The following SZT2 variants were observed in gnomAD, a reference collection of about 807,000 sequenced individuals.
The protein encoded by SZT2 is KICSTOR complex protein SZT2.
A neutral mutation model predicts 404.2 loss-of-function variants in SZT2; 216 were observed. The observed-to-expected ratio is 0.53, with a 90% CI of 0.48 to 0.60. SZT2 has a LOEUF of 0.60. Ranked by LOEUF, SZT2 falls within the 20% of genes least tolerant of loss-of-function variation. SZT2 has a pLI of 0.00. For missense variants in SZT2, 3,857 were observed against 4,459.2 expected, an observed-to-expected ratio of 0.86 and a Z score of 3.85; for synonymous variants, 1,693 against 1,749.9, an observed-to-expected ratio of 0.97 and a Z score of 0.81.
At position 43,452,250 on chromosome 1, in the gene SZT2, G is replaced by A. The variant is rs777397095; in HGVS notation, c.*1770G>A. On this transcript the variant is annotated 3_prime_UTR_variant, in exon 72 of 72. Coordinates refer to ENST00000634258, the MANE Select transcript of SZT2 (RefSeq NM_001365999.1). ...CATGCCTCAGGTTCTCCAGAAAAAC[G>A]GCCTCCATCTCAGCCTTGACTGCTA... 6.2e-6 allele frequency: 10 copies of A among 1,613,862 alleles called. No individual in the cohort carries two copies. Among genetic ancestry groups the A allele is most frequent in the East Asian group, 4.5e-5 (2 of 44,882 alleles).
chr1:43,448,905 T>A lies in SZT2; in HGVS notation c.10086+177T>A, dbSNP rs1656035966. On this transcript the variant is annotated intron_variant, in intron 70 of 71. Transcript: ENST00000634258. This position sits in a 1 kb window ranked among gnomAD's most constrained non-coding sequence, Gnocchi z 4.2. Reference sequence around the variant, plus strand: ...CCGGGCATCGAGCTACAGCATGTGATTCTCTGAGCAGCTCTGCCCTCAAAG... The same window carrying A: ...CCGGGCATCGAGCTACAGCATGTGAATCTCTGAGCAGCTCTGCCCTCAAAG... 1.5e-6 allele frequency: 1 copy of A among 645,972 alleles called. No individual in the cohort carries two copies. The highest frequency in any genetic ancestry group is 2.7e-6 in the Non-Finnish European group (1 of 363,752). 40.0% of individuals were successfully genotyped at this position (645,972 alleles called of 1,614,324 possible).
intron 42 of SZT2, chr1:43,436,598 A>G (rs1654479641): frequency 6.5e-6 from 1 of 153,294 alleles, no homozygotes; most frequent in Admixed American, 6.5e-5. Flanking sequence ...TCTCTGAGAA[A>G]ACTGCCACTT....
intron 4 of SZT2, among the ~76,000 whole-genome samples, chr1:43,411,677 T>A (rs1651061528): frequency 6.6e-6 from 1 of 150,614 alleles, no homozygotes; most frequent in Non-Finnish European, 1.5e-5. Flanking sequence ...CCAAGTGAAA[T>A]GACTTTGGCT....
Position 43,423,081 on chromosome 1 carries a change from A to T in SZT2, c.2038-18A>T. ...TAGGAGATGGGAGTAAGAGGATGTG[A>T]CCACATTTTCCCCTCAGATTGTGTC... is the stretch of plus-strand genomic sequence containing the variant. On this transcript the variant is annotated intron_variant, in intron 14 of 71. Coordinates refer to ENST00000634258, the MANE Select transcript of SZT2 (RefSeq NM_001365999.1). 1.3e-6 allele frequency: 2 copies of T among 1,570,400 alleles called. No individual in the cohort carries two copies. Among genetic ancestry groups the T allele is most frequent in the Non-Finnish European group, 1.7e-6 (2 of 1,165,964 alleles).
At chr1:43,413,387 A>AAAAAC (rs1047687708) in intron 4 of SZT2, among the ~76,000 whole-genome samples, 8 of 152,194 alleles carry the variant, frequency 5.3e-5, no homozygotes, top group East Asian at 3.8e-4. Context: ...ATCTCAAACA[A>AAAAAC]AAAACAAAAC....
Position 43,420,711 on chromosome 1 carries a change from A to T in SZT2, c.1262-38A>T. 6.3e-7 allele frequency: 1 copy of T among 1,582,396 alleles called. No homozygotes were observed. The highest frequency in any genetic ancestry group is 8.6e-7 in the Non-Finnish European group (1 of 1,166,180). On this transcript the variant is annotated intron_variant, in intron 9 of 71. Coordinates refer to ENST00000634258, the MANE Select transcript of SZT2 (RefSeq NM_001365999.1). This position sits in a 1 kb window ranked among gnomAD's most constrained non-coding sequence, Gnocchi z 5.1. ...AACTCGATCCCAGGCCTAGAGTCCT[A>T]TGCCTTCTCCTAACTGGCCCTTCCG...
Position 43,443,646 on chromosome 1 carries a change from G to A in SZT2, c.8675G>A (p.Ser2892Asn), listed in dbSNP as rs1655337711. Residue 2892 changes from serine (S) to asparagine (N), a missense_variant, in exon 62 of 72, where the codon AGC becomes AAC. Coordinates refer to ENST00000634258, the MANE Select transcript of SZT2 (RefSeq NM_001365999.1). ...SGSGSREAPTSCESLDVSPPG... is the reference protein window; with the variant it reads ...SGSGSREAPTNCESLDVSPPG... The stretch of plus-strand genomic sequence containing the variant: ...TCTGGGAGCCGAGAGGCCCCCACAA[G>A]CTGTGAATCCTTGGATGTGTCGCCC... The A allele has an allele frequency of 2.5e-6, 4 of 1,614,090 alleles. No homozygotes were observed. Among genetic ancestry groups the A allele is most frequent in the African/African-American group, 2.7e-5 (2 of 74,952 alleles).
Position 43,439,802 on chromosome 1 carries a change from A to T in SZT2, c.7042+33A>T. The T allele has an allele frequency of 6.4e-7, 1 of 1,565,838 alleles. No individual in the cohort carries two copies. The highest frequency in any genetic ancestry group is 1.2e-5 in the South Asian group (1 of 82,716). On this transcript the variant is annotated intron_variant, in intron 50 of 71. Transcript: ENST00000634258. The surrounding 1 kb of genome is among the most constrained non-coding windows in gnomAD (Gnocchi z 4.2). ...AGCTTGGTCAGAGGATGAGGTGTTC[A>T]GTTATTGCTGTGGGAGGTAAGGGTG...
chr1:43,452,916 G>A lies in SZT2; in HGVS notation c.*2436G>A, dbSNP rs374607343. 158 of 1,605,126 alleles carry A rather than the reference G, an allele frequency of 9.8e-5. 5 individuals are homozygous for A. The East Asian group carries it at 1.3e-3, about 13-fold the overall frequency. On this transcript the variant is annotated 3_prime_UTR_variant, in exon 72 of 72. Coordinates refer to ENST00000634258, the MANE Select transcript of SZT2 (RefSeq NM_001365999.1). Reference sequence around the variant, plus strand: ...CAGGCTACATACATGTCCAGCCTCAGGAACGCTGCCAAATACACCAGGCCT... The same window carrying A: ...CAGGCTACATACATGTCCAGCCTCAAGAACGCTGCCAAATACACCAGGCCT...
chr1:43,406,130 C>T (rs889705397), intron 4 of SZT2, among the ~76,000 whole-genome samples: 3 of 152,130 alleles, frequency 2.0e-5, no homozygotes, highest in Non-Finnish European at 4.4e-5. Context: ...CTCTGTTGCC[C>T]GGGCTAGAGT....
At chr1:43,407,382 G>A (rs1650444450) in intron 4 of SZT2, among the ~76,000 whole-genome samples, 1 of 152,078 alleles carries the variant, frequency 6.6e-6, no homozygotes, top group Non-Finnish European at 1.5e-5. Context: ...TGGGCGTGAT[G>A]GTGCATATCT....
rs764645723 is a variant in SZT2, at chr1:43,426,819, G to A, written c.3309+10G>A. On this transcript the variant is annotated intron_variant, in intron 23 of 71. Coordinates refer to ENST00000634258, the MANE Select transcript of SZT2 (RefSeq NM_001365999.1). This position sits in a 1 kb window ranked among gnomAD's most constrained non-coding sequence, Gnocchi z 4.9. ...CGCTTTTACTTCCCTGGTCAGCACC[G>A]ATTCTTCTCCCTGAGCCCTTGTCAC... The A allele has an allele frequency of 5.6e-6, 9 of 1,612,128 alleles. No homozygotes were observed. The highest frequency in any genetic ancestry group is 2.2e-5 in the South Asian group (2 of 90,806).
intron 32 of SZT2, 71 bp downstream of exon 32, chr1:43,430,860 G>A (rs1009768551): frequency 9.5e-6 from 15 of 1,581,322 alleles, no homozygotes; most frequent in Middle Eastern, 1.7e-4. Flanking sequence ...GTGGAGGGGA[G>A]CCTAGGGTTA....
In SZT2 at chr1:43,443,004, A is replaced by T. The variant is rs1235133719; in HGVS notation, c.8337A>T (p.Val2779=). 3 of 1,613,980 alleles carry T rather than the reference A, an allele frequency of 1.9e-6. No individual in the cohort carries two copies. In the East Asian group the frequency reaches 6.7e-5, roughly 36 times the overall value. ...TCACGGCTGCCCGCCCCAGCTCCGT[A>T]CTTGGTCCTGTGCCCAGACCTCCTG... ...RDITAARPSS[V]LGPVPRPPDP... The change falls in exon 59 of 72, where the codon GTA becomes GTT. Residue 2779 remains valine (V), a synonymous_variant. Transcript: ENST00000634258.
chr1:43,438,050 T>G, intron 46 of SZT2, 148 bp downstream of exon 46: 1 of 761,870 alleles, frequency 1.3e-6, no homozygotes, highest in Non-Finnish European at 2.1e-6. Context: ...CCATAAATAC[T>G]AGCTGGAGGC....
At position 43,439,104 on chromosome 1, in the gene SZT2, A is replaced by T; in HGVS notation, c.6792+11A>T. 1 of 1,613,916 alleles carries T rather than the reference A, an allele frequency of 6.2e-7. No individual in the cohort carries two copies. The highest frequency in any genetic ancestry group is 1.1e-5 in the South Asian group (1 of 91,078). ...CGGAACCACTTCCAAGTGAGATGGCACTCATCTCTCTCCACACTCATGTGC... is the reference window on the plus strand; with the variant it reads ...CGGAACCACTTCCAAGTGAGATGGCTCTCATCTCTCTCCACACTCATGTGC... On this transcript the variant is annotated intron_variant, in intron 48 of 71. Transcript: ENST00000634258. The surrounding 1 kb of genome is among the most constrained non-coding windows in gnomAD (Gnocchi z 4.2).
chr1:43,439,607 G>A lies in SZT2; in HGVS notation c.6880G>A (p.Val2294Ile). Residue 2294 changes from valine (V) to isoleucine (I), a missense_variant and splice_region_variant, in exon 50 of 72, where the codon GTT becomes ATT. By Grantham distance (29) the Val-to-Ile change is conservative. Around this residue, in one of 7 missense-constraint regions of SZT2, gnomAD observed 261 missense variants for 372.9 expected, o/e 0.70. Transcript: ENST00000634258. The surrounding 1 kb of genome is among the most constrained non-coding windows in gnomAD (Gnocchi z 4.2). ...CCTTCCTATGGATTTCTACCCAGGGGTTGCCTGCATCACTCTAGCCTTTGT... is the reference window on the plus strand; with the variant it reads ...CCTTCCTATGGATTTCTACCCAGGGATTGCCTGCATCACTCTAGCCTTTGT... The part of the protein sequence containing the change: ...PGGQGTGGKG[V>I]ACITLAFVDE... 6.2e-7 allele frequency: 1 copy of A among 1,613,940 alleles called. No individual in the cohort carries two copies. Among genetic ancestry groups the A allele is most frequent in the Non-Finnish European group, 8.5e-7 (1 of 1,179,910 alleles).
In SZT2 at chr1:43,442,369, G is replaced by A; in HGVS notation, c.7974+1G>A. 1.2e-6 allele frequency: 2 copies of A among 1,613,870 alleles called. No individual in the cohort carries two copies. Among genetic ancestry groups the A allele is most frequent in the Non-Finnish European group, 1.7e-6 (2 of 1,179,844 alleles). Reference sequence around the variant, plus strand: ...GCTACTAGAGGTTGTGGACAAGAAGGTAAATATGGGGCCAGGGACTGGGTG... The same window carrying A: ...GCTACTAGAGGTTGTGGACAAGAAGATAAATATGGGGCCAGGGACTGGGTG... On this transcript the variant is annotated splice_donor_variant, in intron 57 of 71. Transcript: ENST00000634258. LOFTEE classifies it high-confidence loss of function. This position sits in a 1 kb window ranked among gnomAD's most constrained non-coding sequence, Gnocchi z 4.5.
chr1:43,442,331 G>A lies in SZT2; in HGVS notation c.7937G>A (p.Arg2646Gln), dbSNP rs763735053. ...GDGSSGRNAP[R>Q]QRLLLLEVVD... ...GGGAGCTCAGGGCGAAATGCTCCCC[G>A]GCAGAGGCTCTTGCTACTAGAGGTT... is the stretch of plus-strand genomic sequence containing the variant. The change falls in exon 57 of 72, where the codon CGG becomes CAG. Residue 2646 changes from arginine to glutamine, a missense_variant. Transcript: ENST00000634258. The surrounding 1 kb of genome is among the most constrained non-coding windows in gnomAD (Gnocchi z 4.5). 7.4e-6 allele frequency: 12 copies of A among 1,614,002 alleles called. No individual in the cohort carries two copies. Among genetic ancestry groups the A allele is most frequent in the Admixed American group, 5.0e-5 (3 of 59,990 alleles).
Sources: allele counts gnomAD v4.1 joint callset (sites outside exome capture counted in the v4.1 genomes callset), GRCh38; gene constraint gnomAD v4.1.1; regional missense constraint gnomAD v4.1.1; non-coding constraint Gnocchi (gnomAD v3.1); transcripts MANE v1.5; gene names NCBI Gene and HGNC (gene_info 2026-07-23, HGNC 2026-07-21).